PABPC1L: variants seen among roughly 807,000 people sequenced by gnomAD.
PABPC1L encodes poly(A) binding protein cytoplasmic 1 like, also known as polyadenylate-binding protein 1-like.
PABPC1L carries 31 observed loss-of-function variants against 66.6 expected under a neutral mutation model. The ratio of observed to expected loss-of-function variants is 0.47; its 90% CI spans 0.35 to 0.63. The LOEUF (loss-of-function observed/expected upper bound fraction) is 0.63, where lower values mean the gene tolerates loss of function less well. Among genes scored for constraint, PABPC1L ranks in the 20% least tolerant of loss-of-function variants. The pLI, the probability that PABPC1L is intolerant of heterozygous loss-of-function variation, is 0.00. For missense variants in PABPC1L, 722 were observed against 848.8 expected (o/e 0.85, Z 1.86); for synonymous variants, 348 against 335.1 (o/e 1.04, Z -0.42).
chr20:44,925,896 C>T (rs1415671317), intron 7 of PABPC1L, among the ~76,000 whole-genome samples: 1 of 152,120 alleles, frequency 6.6e-6, no homozygotes. Context: ...CCAGTCCTAC[C>T]ATTACCTAGC....
intron 3 of PABPC1L, among the ~76,000 whole-genome samples, chr20:44,917,542 C>T (rs2066745715): frequency 6.6e-6 from 1 of 152,020 alleles, no homozygotes; most frequent in Non-Finnish European, 1.5e-5. Flanking sequence ...GAGATTTTGG[C>T]AGAAAGAAAA....
rs185094152 is a variant in PABPC1L, at chr20:44,919,376, C to T, written c.738+99C>T. Reference sequence around the variant, plus strand: ...TGTGGAGGGGAAGAAAGTCCCTCCCCGGCCTAAGCCAAGAGGGTGGGAGAG... The same window carrying T: ...TGTGGAGGGGAAGAAAGTCCCTCCCTGGCCTAAGCCAAGAGGGTGGGAGAG... On this transcript the variant is annotated intron_variant, in intron 5 of 14. Transcript: ENST00000217073. 5,869 of 1,334,602 alleles carry T rather than the reference C, an allele frequency of 4.4e-3. 22 individuals carry two copies. Among genetic ancestry groups the T allele is most frequent in the Non-Finnish European group, 5.4e-3 (5,175 of 953,460 alleles). The allele number at this position is 1,334,602 out of a possible 1,614,324, so 82.7% of individuals were successfully genotyped here. A position where few individuals can be genotyped will look rare whatever the true frequency, so the allele number is the denominator to read the frequency against.
chr20:44,921,548 C>A (rs73296537), intron 5 of PABPC1L, 46 bp from the exon 6 acceptor site: 1 of 1,605,500 alleles, frequency 6.2e-7, no homozygotes, highest in East Asian at 2.2e-5. Context: ...TGGGCCAGGG[C>A]CACATCTGAG....
intron 7 of PABPC1L, among the ~76,000 whole-genome samples, chr20:44,926,488 G>A (rs184155718): frequency 6.6e-6 from 1 of 151,980 alleles, no homozygotes; most frequent in East Asian, 1.9e-4. Flanking sequence ...GCCTCCCAAA[G>A]TGCTGCAATT....
At position 44,930,732 on chromosome 20, in the gene PABPC1L, G is replaced by T. The variant is rs200145469; in HGVS notation, c.1239+6G>T. The T allele has an allele frequency of 1.2e-6, 2 of 1,610,960 alleles. No homozygotes were observed. Among genetic ancestry groups the T allele is most frequent in the Middle Eastern group, 1.6e-4 (1 of 6,062 alleles). ...TCCTGCCTGCCATGCCCCAGGTGAC[G>T]GCCTGCCCGCAACTCCCACCGCAGC... is the stretch of plus-strand genomic sequence containing the variant. On this transcript the variant is annotated splice_donor_region_variant and intron_variant, in intron 8 of 14. Coordinates refer to ENST00000217073, the MANE Select transcript of PABPC1L (RefSeq NM_001372179.1).
In PABPC1L at chr20:44,919,433, GGT is replaced by G. The variant is rs746071610; in HGVS notation, c.738+157_738+158del. On this transcript the variant is annotated intron_variant, in intron 5 of 14. Coordinates refer to ENST00000217073, the MANE Select transcript of PABPC1L (RefSeq NM_001372179.1). Reference sequence around the variant, plus strand: ...GTGCAGGCAAAGCCCTTCCTTCTGTGGTCAAAGGCCAAGGGCTTCATTCTTTG... The same window carrying G: ...GTGCAGGCAAAGCCCTTCCTTCTGTGCAAAGGCCAAGGGCTTCATTCTTTG... 3.3e-5 allele frequency among the ~76,000 whole-genome samples: 5 copies of G among 152,316 alleles called. No individual in the cohort carries two copies. The South Asian group carries it at 1.0e-3, about 32-fold the overall frequency.
At chr20:44,936,506 G>T in intron 11 of PABPC1L, 131 bp from the exon 12 acceptor site, 1 of 694,060 alleles carries the variant, frequency 1.4e-6, no homozygotes. Context: ...CACCCCACCT[G>T]ATCATCCAGA....
intron 7 of PABPC1L, among the ~76,000 whole-genome samples, chr20:44,928,364 C>T (rs972816881): frequency 4.6e-5 from 7 of 152,252 alleles, no homozygotes; most frequent in Admixed American, 1.3e-4. Context: ...TAAGCCATTG[C>T]GCTCGGCTGA....
At chr20:44,929,734 G>T (rs2066836835) in intron 7 of PABPC1L, among the ~76,000 whole-genome samples, 1 of 151,134 alleles carries the variant, frequency 6.6e-6, no homozygotes, top group Non-Finnish European at 1.5e-5. Context: ...GGCTGAGGTT[G>T]CAGTTAGCCG....
At chr20:44,917,674 G>A (rs112770205) in intron 3 of PABPC1L, among the ~76,000 whole-genome samples, 3,023 of 152,234 alleles carry the variant, frequency 0.02, 50 homozygotes, top group South Asian at 0.042. Flanking sequence ...TCCCTGCCCA[G>A]AATTTTGATT....
Position 44,910,112 on chromosome 20 carries a change from G to C in PABPC1L, c.-32G>C. On this transcript the variant is annotated 5_prime_UTR_variant, in exon 1 of 15. Coordinates refer to ENST00000217073, the MANE Select transcript of PABPC1L (RefSeq NM_001372179.1). ...GGGGCTGCTGGGTGACCCGGCTCCT[G>C]CTTGCCCCGCAGCCCCGGCCCCCTG... 1 of 1,526,248 alleles carries C rather than the reference G, an allele frequency of 6.6e-7. No homozygotes were observed. Among genetic ancestry groups the C allele is most frequent in the Non-Finnish European group, 8.8e-7 (1 of 1,132,028 alleles). 94.5% of individuals were successfully genotyped at this position (1,526,248 alleles called of 1,614,324 possible). A position where few individuals can be genotyped will look rare whatever the true frequency, so the allele number is the denominator to read the frequency against.
At chr20:44,921,394 C>T (rs1271209036) in intron 5 of PABPC1L, among the ~76,000 whole-genome samples, 200 bp from the exon 6 acceptor site, 1 of 152,080 alleles carries the variant, frequency 6.6e-6, no homozygotes, top group Non-Finnish European at 1.5e-5. Flanking sequence ...ATGATCCGTC[C>T]CCCTCGGCCA....
intron 13 of PABPC1L, 121 bp from the exon 14 acceptor site, chr20:44,938,552 CA>C: frequency 8.4e-7 from 1 of 1,190,114 alleles, no homozygotes; most frequent in South Asian, 1.5e-5. Context: ...GAGGGTTCCA[CA>C]GAAACCCTGT....
In PABPC1L at chr20:44,936,702, G is replaced by A. The variant is rs550882592; in HGVS notation, c.1632G>A (p.Ala544=). 3.9e-5 allele frequency: 63 copies of A among 1,608,402 alleles called. No homozygotes were observed. The highest frequency in any genetic ancestry group is 2.0e-4 in the African/African-American group (15 of 74,952). The change falls in exon 12 of 15, where the codon GCG becomes GCA. Residue 544 remains alanine, a synonymous_variant. Coordinates refer to ENST00000217073, the MANE Select transcript of PABPC1L (RefSeq NM_001372179.1). ...TGACCGCGTCCATGCTGGCTGCGGC[G>A]CCCCTGCATGAGCAAAAGCAGATGA... is the stretch of plus-strand genomic sequence containing the variant. ...EPLTASMLAA[A]PLHEQKQMIG... is the part of the protein sequence containing the mutation.
At chr20:44,934,391 C>G (rs983761523) in intron 10 of PABPC1L, among the ~76,000 whole-genome samples, 1 of 152,214 alleles carries the variant, frequency 6.6e-6, no homozygotes, top group African/African-American at 2.4e-5. Flanking sequence ...TAAGTATATT[C>G]ACACTGTTGT....
intron 14 of PABPC1L, 112 bp from the exon 15 acceptor site, chr20:44,939,014 T>C: frequency 1.4e-6 from 1 of 700,418 alleles, no homozygotes; most frequent in South Asian, 1.6e-5. Context: ...GGGCCCTGCC[T>C]GGCTCCATTC....
At chr20:44,911,147 T>C (rs2066701768) in intron 1 of PABPC1L, among the ~76,000 whole-genome samples, 1 of 55,104 alleles carries the variant, frequency 1.8e-5, no homozygotes, top group African/African-American at 1.1e-4. Flanking sequence ...AATAAATAAA[T>C]AAATAAATAA....
chr20:44,914,450 C>T (rs535989284), intron 2 of PABPC1L, among the ~76,000 whole-genome samples: 2 of 152,172 alleles, frequency 1.3e-5, no homozygotes, highest in African/African-American at 4.8e-5. Context: ...CCTTGTGATC[C>T]GCCCGCCTCA....
At chr20:44,923,778 G>T (rs2066790308) in intron 6 of PABPC1L, among the ~76,000 whole-genome samples, 1 of 152,182 alleles carries the variant, frequency 6.6e-6, no homozygotes, top group Non-Finnish European at 1.5e-5. Context: ...TCATGGGCCA[G>T]CCAGGGAGGA....
Sources: allele counts gnomAD v4.1 joint callset (sites outside exome capture counted in the v4.1 genomes callset), GRCh38; gene constraint gnomAD v4.1.1; transcripts MANE v1.5; gene names NCBI Gene and HGNC (gene_info 2026-07-23, HGNC 2026-07-21).